The following ADGRL1 variants were observed in gnomAD, a reference collection of about 807,000 sequenced individuals.
The protein encoded by ADGRL1 is CIRL-1.
A neutral mutation model predicts 148.9 loss-of-function variants in ADGRL1; 31 were observed. That is an observed-to-expected ratio of 0.21 (90% CI 0.16 to 0.28). The LOEUF is 0.28. ADGRL1 is among the 10% of genes least tolerant of loss of function. The pLI is 1.00. For missense variants in ADGRL1, 1,521 were observed against 2,058.8 expected (o/e 0.74, Z 5.05); for synonymous variants, 937 against 900.3 (o/e 1.04, Z -0.73).
chr19:14,162,054 C>G lies in ADGRL1; in HGVS notation c.1196-428G>C, dbSNP rs181372138. Among the ~76,000 whole-genome samples the G allele has an allele frequency of 1.6e-4, 25 of 152,290 alleles. 1 individual carries two copies. The East Asian group carries it at 4.6e-3, about 28-fold the overall frequency. ...CTTTGGCTTATGTAACCTGGCTATG[C>G]TCCTTCCTTCTGGGGGCCTCAACTC... On this transcript the variant is annotated intron_variant, in intron 5 of 22. Transcript: ENST00000361434. The surrounding 1 kb of genome is among the most constrained non-coding windows in gnomAD (Gnocchi z 5.4).
At position 14,163,416 on chromosome 19, in the gene ADGRL1, G is replaced by A. The variant is rs1969609515; in HGVS notation, c.395-10C>T. The A allele has an allele frequency of 1.3e-6, 2 of 1,533,840 alleles. No homozygotes were observed. Among genetic ancestry groups the A allele is most frequent in the East Asian group, 4.9e-5 (2 of 41,234 alleles). ...CCTGGGCACACGAAGACTGGGCAGA[G>A]TGGGCGGGAGGGGAGGAGGTAGGAG... is the stretch of plus-strand genomic sequence containing the variant. On this transcript the variant is annotated splice_polypyrimidine_tract_variant and intron_variant, in intron 4 of 22. Coordinates refer to ENST00000361434, the MANE Select transcript of ADGRL1 (RefSeq NM_014921.5).
intron 1 of ADGRL1, among the ~76,000 whole-genome samples, chr19:14,192,684 G>A (rs2145116078): frequency 6.6e-6 from 1 of 151,624 alleles, no homozygotes; most frequent in East Asian, 1.9e-4. Context: ...CTGAGTAGCT[G>A]AGATTACAGT....
At chr19:14,169,852 G>C (rs1217882729) in intron 4 of ADGRL1, 1 of 152,442 alleles carries the variant, frequency 6.6e-6, no homozygotes. Context: ...CAGGAAAAAG[G>C]TGATGTCAAG....
At chr19:14,190,003 A>C (rs1470167343) in intron 1 of ADGRL1, among the ~76,000 whole-genome samples, 2 of 152,182 alleles carry the variant, frequency 1.3e-5, no homozygotes, top group Non-Finnish European at 2.9e-5. Context: ...ATCTTGGCTC[A>C]CTGCAACTTC....
intron 4 of ADGRL1, among the ~76,000 whole-genome samples, chr19:14,166,582 AAGAGAGAG>A (rs3036177): frequency 1.4e-5 from 2 of 146,496 alleles, no homozygotes; most frequent in Admixed American, 6.8e-5. Context: ...GAGAGAGAGA[AAGAGAGAG>A]AGAGAGAGAG....
chr19:14,174,682 C>T (rs1371702016), intron 3 of ADGRL1, among the ~76,000 whole-genome samples: 1 of 151,392 alleles, frequency 6.6e-6, no homozygotes, highest in Non-Finnish European at 1.5e-5. Context: ...ACTACAGGCT[C>T]ACACCACCGT....
At position 14,158,004 on chromosome 19, in the gene ADGRL1, G is replaced by A. The variant is rs1349142806; in HGVS notation, c.2413C>T (p.Arg805Cys). 1.2e-6 allele frequency: 2 copies of A among 1,614,202 alleles called. No homozygotes were observed. Among genetic ancestry groups the A allele is most frequent in the Non-Finnish European group, 1.7e-6 (2 of 1,180,016 alleles). ...ANCSFWNYSE[R>C]SMLGYWSTQG... The stretch of plus-strand genomic sequence containing the variant: ...GTCGACCAGTAGCCCAGCATGGAAC[G>A]CTCCGAGTAGTTCCAGAAGGAGCAG... The change falls in exon 13 of 23, where the codon CGT becomes TGT. Residue 805 changes from arginine (R) to cysteine (C), a missense_variant. Arg to Cys is a radical substitution (Grantham distance 180). Around this residue, in one of 8 missense-constraint regions of ADGRL1, gnomAD observed 265 missense variants for 431.9 expected, o/e 0.61. Transcript: ENST00000361434.
chr19:14,203,781 ACCC>A (rs1016842805), intron 1 of ADGRL1, among the ~76,000 whole-genome samples: 4 of 151,912 alleles, frequency 2.6e-5, no homozygotes, highest in African/African-American at 4.8e-5. Context: ...CGCCAGCTAC[ACCC>A]CCAAGAGCAG....
chr19:14,188,017 C>T (rs962254866), intron 1 of ADGRL1, among the ~76,000 whole-genome samples: 7 of 152,042 alleles, frequency 4.6e-5, no homozygotes, highest in African/African-American at 1.7e-4. Context: ...ATCACTTGAG[C>T]CCAGGAGTTT....
At chr19:14,190,126 T>C (rs1971837753) in intron 1 of ADGRL1, among the ~76,000 whole-genome samples, 1 of 152,198 alleles carries the variant, frequency 6.6e-6, no homozygotes. Flanking sequence ...TGGAGTCTCA[T>C]GTTGCCCAGG....
chr19:14,185,849 G>A (rs1329715433), intron 1 of ADGRL1, among the ~76,000 whole-genome samples: 1 of 152,208 alleles, frequency 6.6e-6, no homozygotes, highest in Non-Finnish European at 1.5e-5. Flanking sequence ...AGCCACTCCT[G>A]CTATTCCTGG....
chr19:14,156,350 T>C, intron 16 of ADGRL1, 149 bp from the exon 17 acceptor site: 2 of 678,756 alleles, frequency 2.9e-6, no homozygotes, highest in Non-Finnish European at 2.6e-6. Flanking sequence ...GTGCCCGCTG[T>C]GCAGCGGTGA....
At chr19:14,165,309 C>A (rs1238557754) in intron 4 of ADGRL1, among the ~76,000 whole-genome samples, 2 of 152,192 alleles carry the variant, frequency 1.3e-5, no homozygotes, top group Non-Finnish European at 2.9e-5. Context: ...GGTCGGCCTG[C>A]CCACTCTGTC....
At chr19:14,200,224 C>G (rs1278254821) in intron 1 of ADGRL1, among the ~76,000 whole-genome samples, 3 of 152,194 alleles carry the variant, frequency 2.0e-5, no homozygotes, top group Non-Finnish European at 2.9e-5. Context: ...GTTTGAATAA[C>G]GGTGGCAGCT....
intron 1 of ADGRL1, among the ~76,000 whole-genome samples, chr19:14,200,577 C>A (rs1317387427): frequency 6.6e-6 from 1 of 152,196 alleles, no homozygotes; most frequent in Non-Finnish European, 1.5e-5. Context: ...ATCGGGCTTT[C>A]TACAGAAAAG....
chr19:14,159,721 C>A lies in ADGRL1; in HGVS notation c.1839+14G>T, dbSNP rs1436977483. The A allele has an allele frequency of 6.2e-7, 1 of 1,613,300 alleles. No individual in the cohort carries two copies. The highest frequency in any genetic ancestry group is 2.2e-5 in the East Asian group (1 of 44,874). ...GAGCCCACGGTCCTTACACTGGGAC[C>A]CCCTGGGTCTCACCTTGATATAATC... On this transcript the variant is annotated intron_variant, in intron 9 of 22. Transcript: ENST00000361434. The surrounding 1 kb of genome is among the most constrained non-coding windows in gnomAD (Gnocchi z 6.0).
At chr19:14,164,210 T>TGCCCC (rs1267728915) in intron 4 of ADGRL1, among the ~76,000 whole-genome samples, 1 of 151,824 alleles carries the variant, frequency 6.6e-6, no homozygotes, top group Non-Finnish European at 1.5e-5. Flanking sequence ...CGCCCAGCCC[T>TGCCCC]GCCCCCAGCC....
chr19:14,163,495 AG>A, intron 4 of ADGRL1, 89 bp from the exon 5 acceptor site: 1 of 861,908 alleles, frequency 1.2e-6, no homozygotes, highest in Non-Finnish European at 1.7e-6. Flanking sequence ...AGAGAGAGAG[AG>A]AGGGGGGAGA....
rs1968670669 is a variant in ADGRL1 at position 14,155,822 on chromosome 19, C to T, written c.3125+288G>A. ...CAGACCACTTAGGCTATATTTGCTG[C>T]CTATTTCTCTTTAAGTTGCCCTTAA... On this transcript the variant is annotated intron_variant, in intron 17 of 22. Coordinates refer to ENST00000361434, the MANE Select transcript of ADGRL1 (RefSeq NM_014921.5). The surrounding 1 kb of genome is among the most constrained non-coding windows in gnomAD (Gnocchi z 5.0). 1.7e-6 allele frequency: 1 copy of T among 578,000 alleles called. No individual in the cohort carries two copies. Among genetic ancestry groups the T allele is most frequent in the East Asian group, 2.9e-5 (1 of 34,800 alleles). The allele number at this position is 578,000 out of a possible 1,614,324, so 35.8% of individuals were successfully genotyped here. A position where few individuals can be genotyped will look rare whatever the true frequency, so the allele number is the denominator to read the frequency against.
Sources: gnomAD v4.1 joint callset for allele counts (sites outside exome capture counted in the v4.1 genomes callset) on GRCh38, gnomAD v4.1.1 for gene constraint, gnomAD v4.1.1 regional missense constraint, Gnocchi (gnomAD v3.1) non-coding constraint, MANE v1.5 for transcripts, NCBI Gene and HGNC (gene_info 2026-07-23, HGNC 2026-07-21) for gene names.